The following NDUFAF2 variants were observed in gnomAD, a reference collection of about 807,000 sequenced individuals.
NDUFAF2 encodes NADH dehydrogenase [ubiquinone] 1 alpha subcomplex assembly factor 2.
Under a neutral mutation model 22.8 loss-of-function variants are expected in NDUFAF2, and 13 were observed. That is an observed-to-expected ratio of 0.57 (90% CI 0.37 to 0.91). NDUFAF2 has a LOEUF of 0.91. Ranked by LOEUF, NDUFAF2 falls within the 40% of genes least tolerant of loss-of-function variation. The pLI is 0.01. For missense variants in NDUFAF2, 162 were observed against 195.2 expected (o/e 0.83, Z 1.01); for synonymous variants, 53 against 64.2 (o/e 0.83, Z 0.84).
intron 1 of NDUFAF2, among the ~76,000 whole-genome samples, chr5:60,961,471 T>C (rs1750683875): frequency 2.0e-5 from 3 of 151,858 alleles, no homozygotes; most frequent in African/African-American, 7.3e-5. Context: ...GGCGGGTGCC[T>C]GTAGTCCCAG....
chr5:60,946,702 A>C (rs772886268), intron 1 of NDUFAF2, among the ~76,000 whole-genome samples: 11 of 152,180 alleles, frequency 7.2e-5, no homozygotes, highest in Non-Finnish European at 1.3e-4. Flanking sequence ...TATGGTGTAC[A>C]GTTTTATTGT....
chr5:60,999,653 C>T (rs1751271678), intron 1 of NDUFAF2, among the ~76,000 whole-genome samples: 1 of 151,994 alleles, frequency 6.6e-6, no homozygotes, highest in Non-Finnish European at 1.5e-5. Context: ...TAGTTCTGAA[C>T]ATGCTAAATG....
At chr5:61,063,693 G>C (rs1381088752) in intron 1 of NDUFAF2, among the ~76,000 whole-genome samples, 1 of 152,054 alleles carries the variant, frequency 6.6e-6, no homozygotes, top group East Asian at 1.9e-4. Flanking sequence ...CATAAAATAT[G>C]TTATTTAAGC....
chr5:61,056,936 A>G, intron 1 of NDUFAF2, among the ~76,000 whole-genome samples: 1 of 116,636 alleles, frequency 8.6e-6, no homozygotes, highest in Non-Finnish European at 1.7e-5. Flanking sequence ...ATATATATAT[A>G]TATATATATA....
At chr5:61,095,862 G>A (rs1247954745) in intron 2 of NDUFAF2, among the ~76,000 whole-genome samples, 1 of 152,154 alleles carries the variant, frequency 6.6e-6, no homozygotes, top group Non-Finnish European at 1.5e-5. Flanking sequence ...CATTCTCCAG[G>A]GGTCGAGTTG....
At chr5:61,009,273 C>G (rs779466406) in intron 1 of NDUFAF2, among the ~76,000 whole-genome samples, 4 of 152,026 alleles carry the variant, frequency 2.6e-5, no homozygotes, top group Non-Finnish European at 4.4e-5. Context: ...AATAGGTTAT[C>G]TAACAAAATG....
intron 2 of NDUFAF2, among the ~76,000 whole-genome samples, chr5:61,096,147 C>CAGAT (rs66467029): frequency 3.9e-5 from 1 of 25,840 alleles, no homozygotes. Flanking sequence ...AAATATTTTT[C>CAGAT]AAAATATTCA....
At chr5:61,109,289 A>G (rs2111781443) in intron 3 of NDUFAF2, among the ~76,000 whole-genome samples, 1 of 152,266 alleles carries the variant, frequency 6.6e-6, no homozygotes, top group Admixed American at 6.5e-5. Context: ...TTGATTTTGT[A>G]TGTTGATTTT....
At chr5:61,089,429 G>A (rs1752541081) in intron 2 of NDUFAF2, among the ~76,000 whole-genome samples, 1 of 152,120 alleles carries the variant, frequency 6.6e-6, no homozygotes, top group Admixed American at 6.6e-5. Context: ...AAACAACAAA[G>A]TAATGTCTTG....
chr5:61,073,032 T>A, intron 1 of NDUFAF2, 93 bp from the exon 2 acceptor site: 1 of 774,502 alleles, frequency 1.3e-6, no homozygotes. Context: ...ATTCTTTTAC[T>A]ATATAAGGGG....
intron 1 of NDUFAF2, among the ~76,000 whole-genome samples, chr5:61,009,522 A>G (rs1312850515): frequency 2.6e-5 from 4 of 152,166 alleles, no homozygotes; most frequent in African/African-American, 9.7e-5. Flanking sequence ...TAAATCAATT[A>G]AATTTAAAGT....
intron 3 of NDUFAF2, among the ~76,000 whole-genome samples, chr5:61,134,836 G>A (rs947671476): frequency 6.6e-6 from 1 of 151,984 alleles, no homozygotes; most frequent in Non-Finnish European, 1.5e-5. Flanking sequence ...ACATCAGTGA[G>A]TGTATTCATT....
intron 1 of NDUFAF2, among the ~76,000 whole-genome samples, chr5:61,009,047 T>C (rs2112596386): frequency 6.6e-6 from 1 of 152,256 alleles, no homozygotes; most frequent in African/African-American, 2.4e-5. Context: ...TGGTCTTTTC[T>C]ACTAATCCGT....
At chr5:61,114,866 T>C (rs1362924441) in intron 3 of NDUFAF2, 1 of 152,282 alleles carries the variant, frequency 6.6e-6, no homozygotes, top group African/African-American at 2.4e-5. Flanking sequence ...GCAAAGGCTC[T>C]TGTTGTCTTC....
intron 1 of NDUFAF2, among the ~76,000 whole-genome samples, chr5:60,946,336 G>A (rs1393252699): frequency 2.0e-5 from 3 of 152,154 alleles, no homozygotes. Flanking sequence ...GATCAGCAAT[G>A]TTGAGAAGCA....
At chr5:61,048,360 C>T (rs1751979053) in intron 1 of NDUFAF2, among the ~76,000 whole-genome samples, 1 of 152,200 alleles carries the variant, frequency 6.6e-6, no homozygotes, top group South Asian at 2.1e-4. Context: ...GGGGTTAGTG[C>T]CTACTCACAT....
chr5:61,058,063 G>A (rs1385450824), intron 1 of NDUFAF2, among the ~76,000 whole-genome samples: 2 of 152,264 alleles, frequency 1.3e-5, no homozygotes, highest in Admixed American at 1.3e-4. Context: ...GTAGATAACA[G>A]TACGGTCTTT....
chr5:61,038,728 A>C (rs1751833835), intron 1 of NDUFAF2, among the ~76,000 whole-genome samples: 1 of 152,188 alleles, frequency 6.6e-6, no homozygotes, highest in Non-Finnish European at 1.5e-5. Flanking sequence ...TGCTAAGTAA[A>C]TCTTTTCAAA....
At chr5:60,995,122 A>T (rs1270374332) in intron 1 of NDUFAF2, among the ~76,000 whole-genome samples, 1 of 152,192 alleles carries the variant, frequency 6.6e-6, no homozygotes, top group African/African-American at 2.4e-5. Flanking sequence ...AGTTTCCTCA[A>T]TACAGCAATT....
Sources: gnomAD v4.1 joint callset for allele counts (sites outside exome capture counted in the v4.1 genomes callset) on GRCh38, gnomAD v4.1.1 for gene constraint, MANE v1.5 for transcripts, NCBI Gene and HGNC (gene_info 2026-07-23, HGNC 2026-07-21) for gene names.